The following EBF2 variants were observed in gnomAD, a reference collection of about 807,000 sequenced individuals.
EBF2 encodes EBF transcription factor 2, also known as transcription factor COE2.
Under a neutral mutation model 72.8 loss-of-function variants are expected in EBF2, and 21 were observed. That is an observed-to-expected ratio of 0.29 (90% CI 0.20 to 0.42). EBF2 has a LOEUF of 0.42. Ranked by LOEUF, EBF2 falls within the 10% of genes least tolerant of loss-of-function variation. The pLI, the probability that EBF2 is intolerant of heterozygous loss-of-function variation, is 1.00. For missense variants in EBF2, 637 were observed against 731.2 expected (o/e 0.87, Z 1.49); for synonymous variants, 299 against 274.2 (o/e 1.09, Z -0.89).
Position 25,844,583 on chromosome 8 carries a change from T to C in EBF2, c.*26A>G. On this transcript the variant is annotated 3_prime_UTR_variant, in exon 16 of 16. Transcript: ENST00000520164. ...TATTGGTCCATCAGAGTAAGTAGTT[T>C]TGTGCTATAAGAAAGCAGTTCTTCT... 1 of 1,613,722 alleles carries C rather than the reference T, an allele frequency of 6.2e-7. No individual in the cohort carries two copies. Among genetic ancestry groups the C allele is most frequent in the Middle Eastern group, 1.7e-4 (1 of 6,056 alleles).
intron 10 of EBF2, among the ~76,000 whole-genome samples, chr8:25,886,244 A>G (rs1280841088): frequency 1.3e-5 from 2 of 152,224 alleles, no homozygotes; most frequent in African/African-American, 4.8e-5. Flanking sequence ...TAAACTTCCA[A>G]GTGGGGAAGG....
At position 25,845,739 on chromosome 8, in the gene EBF2, G is replaced by A. The variant is rs150173904; in HGVS notation, c.1697-1099C>T. ...CTTGGCTTTCAGAGGATAAGCCCGTGGGATTTTCACATTCTTAGAAAATGG... is the reference window on the plus strand; with the variant it reads ...CTTGGCTTTCAGAGGATAAGCCCGTAGGATTTTCACATTCTTAGAAAATGG... On this transcript the variant is annotated intron_variant, in intron 15 of 15. Transcript: ENST00000520164. Among the ~76,000 whole-genome samples, 67 of 152,266 alleles carry A rather than the reference G, an allele frequency of 4.4e-4. 1 individual carries two copies. The highest frequency in any genetic ancestry group is 1.5e-3 in the African/African-American group (61 of 41,558).
intron 6 of EBF2, among the ~76,000 whole-genome samples, chr8:25,956,009 A>T (rs972365191): frequency 4.6e-5 from 7 of 152,142 alleles, no homozygotes; most frequent in Admixed American, 6.5e-5. Context: ...TTTATTTTTT[A>T]AAAAAAGGAA....
intron 15 of EBF2, among the ~76,000 whole-genome samples, chr8:25,848,576 G>A (rs1047058183): frequency 2.0e-5 from 3 of 152,174 alleles, no homozygotes; most frequent in African/African-American, 7.2e-5. Flanking sequence ...AACTTGTCCT[G>A]GCCCCATTGT....
At chr8:25,982,357 G>A (rs1209273029) in intron 6 of EBF2, among the ~76,000 whole-genome samples, 1 of 152,174 alleles carries the variant, frequency 6.6e-6, no homozygotes, top group Non-Finnish European at 1.5e-5. Context: ...GACTGAGCCT[G>A]AACACTATGT....
chr8:25,926,511 C>T lies in EBF2; in HGVS notation c.552-17956G>A, dbSNP rs183682416. Among the ~76,000 whole-genome samples, 67 of 152,260 alleles carry T rather than the reference C, an allele frequency of 4.4e-4. No homozygotes were observed. The East Asian group carries it at 0.011, about 26-fold the overall frequency. On this transcript the variant is annotated intron_variant, in intron 6 of 15. Coordinates refer to ENST00000520164, the MANE Select transcript of EBF2 (RefSeq NM_022659.4). ...TGAGCTGGACATCGGTTTTATACTT[C>T]GACAATGTGGATGTATCTTTGTCTG...
At chr8:25,913,435 G>C (rs1189465860) in intron 6 of EBF2, among the ~76,000 whole-genome samples, 2 of 151,788 alleles carry the variant, frequency 1.3e-5, no homozygotes, top group African/African-American at 4.8e-5. Context: ...GTGAGACCCC[G>C]TCAGAAAAAA....
intron 6 of EBF2, among the ~76,000 whole-genome samples, chr8:26,001,834 C>T (rs1585222340): frequency 6.6e-6 from 1 of 152,114 alleles, no homozygotes; most frequent in African/African-American, 2.4e-5. Flanking sequence ...CAGGTGTGAG[C>T]CACCACACCC....
chr8:25,848,980 G>A (rs986818180), intron 15 of EBF2, among the ~76,000 whole-genome samples: 2 of 152,180 alleles, frequency 1.3e-5, no homozygotes, highest in African/African-American at 2.4e-5. Flanking sequence ...CATGGAAAAA[G>A]CTCTGGGCAC....
intron 6 of EBF2, among the ~76,000 whole-genome samples, chr8:25,934,454 T>C (rs1803540258): frequency 6.6e-6 from 1 of 152,162 alleles, no homozygotes; most frequent in Non-Finnish European, 1.5e-5. Flanking sequence ...CAGGAAGACA[T>C]CATTGCCGTT....
chr8:25,953,205 C>T (rs1475232796), intron 6 of EBF2, among the ~76,000 whole-genome samples: 1 of 152,152 alleles, frequency 6.6e-6, no homozygotes, highest in Admixed American at 6.5e-5. Flanking sequence ...GACTGTAATG[C>T]CTCGTTTACT....
chr8:25,860,951 T>G, intron 13 of EBF2, 98 bp downstream of exon 13: 1 of 1,311,384 alleles, frequency 7.6e-7, no homozygotes, highest in South Asian at 1.2e-5. Context: ...GTGGACACAC[T>G]CTGTTGGACC....
In EBF2 at chr8:25,842,099, C is replaced by T. The variant is rs972902909; in HGVS notation, c.*2510G>A. ...TTTAAATGAAAAAAATCTTACACAG[C>T]TCCTCTTACAAACACAGGATAGAGT... On this transcript the variant is annotated 3_prime_UTR_variant, in exon 16 of 16. Transcript: ENST00000520164. 5 of 152,132 alleles carry T rather than the reference C, an allele frequency of 3.3e-5. No individual in the cohort carries two copies. Among genetic ancestry groups the T allele is most frequent in the South Asian group, 2.1e-4 (1 of 4,820 alleles). The allele number at this position is 152,132 out of a possible 1,614,324, so 9.4% of individuals were successfully genotyped here. A position where few individuals can be genotyped will look rare whatever the true frequency, so the allele number is the denominator to read the frequency against.
chr8:25,971,886 G>A (rs931629451), intron 6 of EBF2, among the ~76,000 whole-genome samples: 4 of 152,178 alleles, frequency 2.6e-5, no homozygotes, highest in South Asian at 4.1e-4. Flanking sequence ...TCTACAGCTC[G>A]AGCGGCCCCT....
Position 25,858,493 on chromosome 8 carries a change from T to G in EBF2, c.1354A>C (p.Asn452His). ...CCCCGCGGAGAGATGCTGCTTGTGTTGCGGATGTACCCTTGGCAACAAAGA... is the reference window on the plus strand; with the variant it reads ...CCCCGCGGAGAGATGCTGCTTGTGTGGCGGATGTACCCTTGGCAACAAAGA... ...TQGNNQGYIR[N>H]TSSISPRGYS... The change falls in exon 14 of 16, where the codon AAC becomes CAC. Residue 452 changes from asparagine (N) to histidine (H), a missense_variant. Physicochemically the swap from Asn to His is moderately conservative, Grantham distance 68. Around this residue, in one of 3 missense-constraint regions of EBF2, gnomAD observed 259 missense variants for 268.1 expected, o/e 0.97. Coordinates refer to ENST00000520164, the MANE Select transcript of EBF2 (RefSeq NM_022659.4). The G allele has an allele frequency of 6.2e-7, 1 of 1,613,730 alleles. No individual in the cohort carries two copies. The highest frequency in any genetic ancestry group is 8.5e-7 in the Non-Finnish European group (1 of 1,179,962).
At chr8:25,922,971 T>A (rs62499091) in intron 6 of EBF2, among the ~76,000 whole-genome samples, 1 of 151,260 alleles carries the variant, frequency 6.6e-6, no homozygotes, top group Non-Finnish European at 1.5e-5. Flanking sequence ...AAAAAAAAAT[T>A]CATCCGTTGG....
At chr8:26,042,574 G>T (rs1437099944) in intron 1 of EBF2, among the ~76,000 whole-genome samples, 1 of 152,158 alleles carries the variant, frequency 6.6e-6, no homozygotes, top group Non-Finnish European at 1.5e-5. Context: ...GGCCCAGAGT[G>T]GTCCCCTAAG....
At chr8:25,885,760 A>G (rs999707308) in intron 10 of EBF2, among the ~76,000 whole-genome samples, 1 of 152,168 alleles carries the variant, frequency 6.6e-6, no homozygotes, top group African/African-American at 2.4e-5. Context: ...GCCTTCTGCC[A>G]TGAATATGAG....
chr8:26,025,596 A>G (rs1563212395), intron 6 of EBF2, among the ~76,000 whole-genome samples: 2 of 152,146 alleles, frequency 1.3e-5, no homozygotes, highest in Non-Finnish European at 2.9e-5. Context: ...TGCAATCATG[A>G]GGAGGAGAGT....
Sources: allele counts gnomAD v4.1 joint callset (sites outside exome capture counted in the v4.1 genomes callset), GRCh38; gene constraint gnomAD v4.1.1; regional missense constraint gnomAD v4.1.1; transcripts MANE v1.5; gene names NCBI Gene and HGNC (gene_info 2026-07-23, HGNC 2026-07-21).